Variants in ADAMTS12 observed in about 807,000 individuals in gnomAD.
ADAMTS12 encodes the protein ADAM metallopeptidase with thrombospondin type 1 motif 12.
ADAMTS12 carries 118 observed loss-of-function variants against 167.8 expected under a neutral mutation model. That is an observed-to-expected ratio of 0.70 (90% CI 0.61 to 0.82). The LOEUF (loss-of-function observed/expected upper bound fraction) is 0.82, where lower values mean the gene tolerates loss of function less well. Ranked by LOEUF, ADAMTS12 falls within the 40% of genes least tolerant of loss-of-function variation. The pLI, the probability that ADAMTS12 is intolerant of heterozygous loss-of-function variation, is 0.00. For synonymous variants in ADAMTS12, 704 were observed against 716.9 expected (o/e 0.98, Z 0.29); for missense variants, 1,916 against 1,998.8 (o/e 0.96, Z 0.79).
intron 16 of ADAMTS12, among the ~76,000 whole-genome samples, chr5:33,611,608 T>C (rs565804981): frequency 6.6e-6 from 1 of 152,358 alleles, no homozygotes; most frequent in East Asian, 1.9e-4. Context: ...AATATTTATA[T>C]TCTTTGAACC....
At chr5:33,886,702 C>T (rs528802900) in intron 1 of ADAMTS12, among the ~76,000 whole-genome samples, 2 of 152,162 alleles carry the variant, frequency 1.3e-5, no homozygotes, top group African/African-American at 2.4e-5. Context: ...GGGATAAGAT[C>T]GGTTTTCCCT....
intron 19 of ADAMTS12, among the ~76,000 whole-genome samples, chr5:33,568,951 C>A (rs771411158): frequency 4.6e-5 from 7 of 152,248 alleles, no homozygotes; most frequent in African/African-American, 1.7e-4. Flanking sequence ...TATCCCGTAC[C>A]TGCCTTGGAG....
chr5:33,811,947 G>T (rs1449915516), intron 2 of ADAMTS12, among the ~76,000 whole-genome samples: 1 of 152,082 alleles, frequency 6.6e-6, no homozygotes, highest in African/African-American at 2.4e-5. Context: ...GGAAGAGAGA[G>T]TGAAGTCAGG....
intron 11 of ADAMTS12, 42 bp downstream of exon 11, chr5:33,641,768 A>G (rs912537544): frequency 7.9e-7 from 1 of 1,271,070 alleles, no homozygotes; most frequent in African/African-American, 1.5e-5. Flanking sequence ...TCCCGCCCCC[A>G]GCACATGTGG....
chr5:33,570,472 C>T (rs1937414755), intron 19 of ADAMTS12, among the ~76,000 whole-genome samples: 1 of 152,006 alleles, frequency 6.6e-6, no homozygotes, highest in Admixed American at 6.6e-5. Flanking sequence ...ATTTTCAACC[C>T]AGAATTTCAT....
intron 2 of ADAMTS12, among the ~76,000 whole-genome samples, chr5:33,837,859 T>A (rs1243591042): frequency 6.6e-6 from 1 of 152,182 alleles, no homozygotes; most frequent in Non-Finnish European, 1.5e-5. Flanking sequence ...GAAAACAGAT[T>A]TTCTGTTGAG....
intron 19 of ADAMTS12, among the ~76,000 whole-genome samples, chr5:33,566,222 G>A (rs560274427): frequency 2.6e-4 from 39 of 152,290 alleles, no homozygotes; most frequent in African/African-American, 8.4e-4. Context: ...CAGCACTTTG[G>A]GAGGCTGAGG....
intron 11 of ADAMTS12, among the ~76,000 whole-genome samples, chr5:33,638,966 A>C (rs1471060055): frequency 6.6e-6 from 1 of 152,198 alleles, no homozygotes; most frequent in African/African-American, 2.4e-5. Context: ...ATCTTGCTGC[A>C]GTATCTGAAT....
chr5:33,597,981 G>A (rs979956848), intron 16 of ADAMTS12, among the ~76,000 whole-genome samples: 2 of 152,198 alleles, frequency 1.3e-5, no homozygotes, highest in Non-Finnish European at 2.9e-5. Context: ...GCAAAGGTAA[G>A]TGTGCTTAGT....
At chr5:33,603,320 C>T (rs1056376250) in intron 16 of ADAMTS12, 5 of 152,174 alleles carry the variant, frequency 3.3e-5, no homozygotes, top group Non-Finnish European at 7.3e-5. Flanking sequence ...CCTGAAGCTT[C>T]CTGTGGAGAT....
chr5:33,886,284 A>G (rs1750633188), intron 1 of ADAMTS12, among the ~76,000 whole-genome samples: 1 of 152,218 alleles, frequency 6.6e-6, no homozygotes, highest in Non-Finnish European at 1.5e-5. Context: ...GTAGAATAAT[A>G]TGATAATAAT....
At chr5:33,571,551 G>T (rs1746348625) in intron 19 of ADAMTS12, among the ~76,000 whole-genome samples, 3 of 151,974 alleles carry the variant, frequency 2.0e-5, no homozygotes, top group African/African-American at 7.3e-5. Context: ...AAACCAACGA[G>T]AACAAAGACA....
intron 1 of ADAMTS12, among the ~76,000 whole-genome samples, chr5:33,883,802 T>C (rs1389663612): frequency 6.6e-6 from 1 of 152,192 alleles, no homozygotes; most frequent in Non-Finnish European, 1.5e-5. Flanking sequence ...TGCCATGAAC[T>C]GAGGTGTATA....
intron 2 of ADAMTS12, among the ~76,000 whole-genome samples, chr5:33,774,439 T>A (rs1048869047): frequency 3.9e-5 from 6 of 152,056 alleles, no homozygotes; most frequent in Non-Finnish European, 7.4e-5. Flanking sequence ...GAAAAAAAAA[T>A]CAAAACTTTG....
chr5:33,803,481 A>C (rs1209840732), intron 2 of ADAMTS12, among the ~76,000 whole-genome samples: 1 of 152,164 alleles, frequency 6.6e-6, no homozygotes, highest in Non-Finnish European at 1.5e-5. Flanking sequence ...ATTCCTTAGG[A>C]TGCCACCAAC....
chr5:33,630,927 AG>A lies in ADAMTS12; in HGVS notation c.1889-15del. ...CACAAGGATGTGCTGAAGGGAAAAA[AG>A]AAGGCAAAGCCTTGCAAATTAGCTT... On this transcript the variant is annotated splice_polypyrimidine_tract_variant and intron_variant, in intron 12 of 23. Transcript: ENST00000504830. 1.2e-6 allele frequency: 2 copies of A among 1,610,670 alleles called. No homozygotes were observed. Among genetic ancestry groups the A allele is most frequent in the South Asian group, 2.2e-5 (2 of 90,824 alleles).
intron 17 of ADAMTS12, among the ~76,000 whole-genome samples, 184 bp from the exon 18 acceptor site, chr5:33,588,993 C>G (rs1747507752): frequency 6.6e-6 from 1 of 152,216 alleles, no homozygotes; most frequent in Admixed American, 6.5e-5. Context: ...CTCCGTAGCT[C>G]TGCAGGGCGC....
chr5:33,841,626 G>C (rs1401467058), intron 2 of ADAMTS12, among the ~76,000 whole-genome samples: 1 of 152,134 alleles, frequency 6.6e-6, no homozygotes, highest in African/African-American at 2.4e-5. Context: ...TCGTCGCCAA[G>C]GTCTGATTTT....
intron 3 of ADAMTS12, among the ~76,000 whole-genome samples, chr5:33,731,294 T>C (rs923296831): frequency 2.0e-5 from 3 of 151,786 alleles, no homozygotes. Flanking sequence ...CCAGAGATTC[T>C]CATGTCTCAG....
Sources: allele counts gnomAD v4.1 joint callset (sites outside exome capture counted in the v4.1 genomes callset), GRCh38; gene constraint gnomAD v4.1.1; transcripts MANE v1.5; gene names NCBI Gene and HGNC (gene_info 2026-07-23, HGNC 2026-07-21).